The following NDST1 variants were observed in gnomAD, a reference collection of about 807,000 sequenced individuals.
NDST1 encodes the protein bifunctional heparan sulfate N-deacetylase/N-sulfotransferase 1.
Under a neutral mutation model 92.8 loss-of-function variants are expected in NDST1, and 35 were observed. That is an observed-to-expected ratio of 0.38 (90% CI 0.29 to 0.50). The LOEUF (loss-of-function observed/expected upper bound fraction) is 0.50, where lower values mean the gene tolerates loss of function less well. Among genes scored for constraint, NDST1 ranks in the 20% least tolerant of loss-of-function variants. The pLI, the probability that NDST1 is intolerant of heterozygous loss-of-function variation, is 0.94. For synonymous variants in NDST1, 493 were observed against 500.3 expected, an observed-to-expected ratio of 0.99 and a Z score of 0.19; for missense variants, 822 against 1,182.7, an observed-to-expected ratio of 0.69 and a Z score of 4.47.
At position 150,540,126 on chromosome 5, in the gene NDST1, C is replaced by T. The variant is rs1581397852; in HGVS notation, c.1611C>T (p.Arg537=). The part of the protein sequence containing the change: ...MTHLSNYGND[R]LGLYTFKHLV... ...ACCTGTCCAACTATGGGAATGACCG[C>T]CTGGGCCTGTACACCTTCAAGCACC... The change falls in exon 8 of 15, where the codon CGC becomes CGT. Residue 537 remains arginine (R), a synonymous_variant. Coordinates refer to ENST00000261797, the MANE Select transcript of NDST1 (RefSeq NM_001543.5). 1 of 1,614,208 alleles carries T rather than the reference C, an allele frequency of 6.2e-7. No individual in the cohort carries two copies. Among genetic ancestry groups the T allele is most frequent in the Non-Finnish European group, 8.5e-7 (1 of 1,180,046 alleles).
intron 9 of NDST1, 96 bp downstream of exon 9, chr5:150,541,762 A>G (rs1755259868): frequency 8.0e-6 from 9 of 1,129,280 alleles, no homozygotes; most frequent in Non-Finnish European, 1.2e-5. Context: ...ACTCCCGGAT[A>G]ATTTGCTCCC....
intron 13 of NDST1, chr5:150,550,970 G>GTCATCA (rs138037058): frequency 6.5e-6 from 1 of 152,870 alleles, no homozygotes; most frequent in Non-Finnish European, 1.5e-5. Context: ...TATTGTCCTT[G>GTCATCA]TCATCATCAT....
chr5:150,545,283 T>C (rs1426503142), intron 10 of NDST1, 29 bp from the exon 11 acceptor site: 8 of 1,613,882 alleles, frequency 5.0e-6, no homozygotes, highest in East Asian at 4.5e-5. Context: ...GAGTTTTGTC[T>C]GTGAGCCGCC....
chr5:150,528,798 A>G (rs1478709504), intron 3 of NDST1, among the ~76,000 whole-genome samples: 2 of 152,182 alleles, frequency 1.3e-5, no homozygotes, highest in Non-Finnish European at 2.9e-5. Flanking sequence ...CTGTCTCAAA[A>G]AAATTAAAAA....
At chr5:150,517,585 C>T (rs1254720720) in intron 1 of NDST1, among the ~76,000 whole-genome samples, 1 of 152,174 alleles carries the variant, frequency 6.6e-6, no homozygotes, top group Non-Finnish European at 1.5e-5. Flanking sequence ...CTACCATCGT[C>T]GTCTCATACA....
chr5:150,539,545 G>A (rs1755149605), intron 7 of NDST1, 189 bp downstream of exon 7: 3 of 1,449,604 alleles, frequency 2.1e-6, no homozygotes, highest in Non-Finnish European at 1.8e-6. Flanking sequence ...ATCCGAGCAT[G>A]CTTTTTTTTT....
chr5:150,516,368 G>A (rs1177702177), intron 1 of NDST1, among the ~76,000 whole-genome samples: 1 of 152,242 alleles, frequency 6.6e-6, no homozygotes, highest in Non-Finnish European at 1.5e-5. Flanking sequence ...ATAAGCAACA[G>A]GGGTGCGTGA....
chr5:150,540,369 C>A, intron 8 of NDST1, 105 bp downstream of exon 8: 1 of 1,236,110 alleles, frequency 8.1e-7, no homozygotes, highest in Non-Finnish European at 1.1e-6. Context: ...CATGCCTTCA[C>A]ACTCTCGCTC....
chr5:150,507,628 CA>C, upstream of NDST1: 1 of 152,512 alleles, frequency 6.6e-6, no homozygotes, highest in South Asian at 2.1e-4. Context: ...GGCCAGGGGC[CA>C]AAAGCCAGCA....
chr5:150,542,084 G>C (rs1377336376), intron 9 of NDST1, among the ~76,000 whole-genome samples: 1 of 152,160 alleles, frequency 6.6e-6, no homozygotes, highest in Non-Finnish European at 1.5e-5. Context: ...ATACAACCCT[G>C]CAAGGCACAA....
rs1754915652 is a variant in NDST1 at position 150,534,899 on chromosome 5, C to T, written c.1129C>T (p.Leu377=). The T allele has an allele frequency of 6.2e-7, 1 of 1,614,272 alleles. No homozygotes were observed. The highest frequency in any genetic ancestry group is 1.6e-4 in the Middle Eastern group (1 of 6,062). The change falls in exon 5 of 15, where the codon CTG becomes TTG. Residue 377 remains leucine, a synonymous_variant. Transcript: ENST00000261797. ...TGCTGAGGACGCTGGGGATGATCTG[C>T]TGCTGTCGTATGTGAAGGAGTTCTG... ...TNAEDAGDDL[L]LSYVKEFWWF... is the part of the protein sequence containing the mutation.
In NDST1 at chr5:150,547,882, G is replaced by A. The variant is rs538852079; in HGVS notation, c.2146-336G>A. On this transcript the variant is annotated intron_variant, in intron 11 of 14. Transcript: ENST00000261797. Reference sequence around the variant, plus strand: ...GTATTTTTAGTAGAGACGGGGTTTCGCCACATTGGCCAGCTGGTCTCGAAC... The same window carrying A: ...GTATTTTTAGTAGAGACGGGGTTTCACCACATTGGCCAGCTGGTCTCGAAC... Among the ~76,000 whole-genome samples, 7 of 152,142 alleles carry A rather than the reference G, an allele frequency of 4.6e-5. No homozygotes were observed. In the East Asian group the frequency reaches 5.8e-4, roughly 13 times the overall value.
chr5:150,555,865 C>T lies in NDST1; in HGVS notation c.*2533C>T, dbSNP rs1164997674. 6.6e-6 allele frequency: 1 copy of T among 152,204 alleles called. No individual in the cohort carries two copies. The highest frequency in any genetic ancestry group is 1.5e-5 in the Non-Finnish European group (1 of 68,078). The allele number at this position is 152,204 out of a possible 1,614,324, so 9.4% of individuals were successfully genotyped here. A position where few individuals can be genotyped will look rare whatever the true frequency, so the allele number is the denominator to read the frequency against. On this transcript the variant is annotated 3_prime_UTR_variant, in exon 15 of 15. Transcript: ENST00000261797. Reference sequence around the variant, plus strand: ...GATCTTCTGGATTTTTGCCTGGACCCTTCTGCAAGCCTGGAGACTGGACCT... The same window carrying T: ...GATCTTCTGGATTTTTGCCTGGACCTTTCTGCAAGCCTGGAGACTGGACCT...
chr5:150,547,265 C>T (rs1755528868), intron 11 of NDST1, among the ~76,000 whole-genome samples: 1 of 152,144 alleles, frequency 6.6e-6, no homozygotes, highest in African/African-American at 2.4e-5. Flanking sequence ...TCATTCTCCC[C>T]AGGAGGACCT....
rs758653027 is a variant in NDST1 at position 150,535,895 on chromosome 5, C to T, written c.1437+10C>T. ...CCACAATGGCATCATGGTGAGTGGG[C>T]CCCTGGAAGCCCAGGAGGTGGGAGA... On this transcript the variant is annotated intron_variant, in intron 6 of 14. Coordinates refer to ENST00000261797, the MANE Select transcript of NDST1 (RefSeq NM_001543.5). The T allele has an allele frequency of 1.2e-6, 2 of 1,611,564 alleles. No homozygotes were observed. Among genetic ancestry groups the T allele is most frequent in the African/African-American group, 1.3e-5 (1 of 74,974 alleles).
chr5:150,522,870 CAA>C (rs1754304475), intron 2 of NDST1, among the ~76,000 whole-genome samples: 1 of 152,224 alleles, frequency 6.6e-6, no homozygotes, highest in Non-Finnish European at 1.5e-5. Context: ...GCTTTCTGTG[CAA>C]AGAGTCTTCC....
chr5:150,527,088 T>C lies in NDST1; in HGVS notation c.514-716T>C, dbSNP rs1244751540. 2.6e-5 allele frequency among the ~76,000 whole-genome samples: 4 copies of C among 152,338 alleles called. No homozygotes were observed. In the East Asian group the frequency reaches 5.8e-4, roughly 22 times the overall value. On this transcript the variant is annotated intron_variant, in intron 2 of 14. Transcript: ENST00000261797. Reference sequence around the variant, plus strand: ...CATAAGATGTCTCCTGAAGAAAAGGTTGCGTGGCCAGAGGCAGTTTGGAAA... The same window carrying C: ...CATAAGATGTCTCCTGAAGAAAAGGCTGCGTGGCCAGAGGCAGTTTGGAAA...
intron 9 of NDST1, 31 bp downstream of exon 9, chr5:150,541,697 C>A: frequency 1.3e-6 from 2 of 1,594,346 alleles, no homozygotes; most frequent in Non-Finnish European, 1.7e-6. Context: ...CCGAGCTTCC[C>A]CAACTGCCTG....
Position 150,511,627 on chromosome 5 carries a change from C to T in NDST1, c.-388+3401C>T, listed in dbSNP as rs375120135. ...GTAGACTGTGCTCTCTGTGGCCCTG[C>T]GACTCTGAGCCAGACCTCCAACAGT... On this transcript the variant is annotated intron_variant, in intron 1 of 14. Coordinates refer to ENST00000261797, the MANE Select transcript of NDST1 (RefSeq NM_001543.5). Among the ~76,000 whole-genome samples the T allele has an allele frequency of 3.3e-5, 5 of 151,994 alleles. 1 individual carries two copies. In the South Asian group the frequency reaches 6.2e-4, roughly 19 times the overall value.
Sources: gnomAD v4.1 joint callset for allele counts (sites outside exome capture counted in the v4.1 genomes callset) on GRCh38, gnomAD v4.1.1 for gene constraint, MANE v1.5 for transcripts, NCBI Gene and HGNC (gene_info 2026-07-23, HGNC 2026-07-21) for gene names.